The following DAAM1 variants were observed in gnomAD, a reference collection of about 807,000 sequenced individuals.
DAAM1 encodes disheveled-associated activator of morphogenesis 1.
DAAM1 carries 52 observed loss-of-function variants against 130.0 expected under a neutral mutation model. The observed-to-expected ratio is 0.40, with a 90% CI of 0.32 to 0.50. The LOEUF (loss-of-function observed/expected upper bound fraction) is 0.50. Ranked by LOEUF, DAAM1 falls within the 20% of genes least tolerant of loss-of-function variation. The pLI is 0.61. For synonymous variants in DAAM1, 452 were observed against 444.5 expected, an observed-to-expected ratio of 1.02 and a Z score of -0.21; for missense variants, 1,134 against 1,303.8, an observed-to-expected ratio of 0.87 and a Z score of 2.01.
rs2273755 is a variant in DAAM1, at chr14:59,338,635, C to T, written c.1969-1439C>T. ...CAGTTGACATTTGATCACCTAGTGC[C>T]TCACAGTATAAATTCCATATTGCCT... On this transcript the variant is annotated intron_variant, in intron 15 of 24. Transcript: ENST00000360909. Among the ~76,000 whole-genome samples the T allele has an allele frequency of 3.8e-4, 58 of 152,162 alleles. No individual in the cohort carries two copies. In the East Asian group the frequency reaches 0.011, roughly 29 times the overall value.
In DAAM1 at chr14:59,350,477, ACACG is replaced by A. The variant is rs1046387673; in HGVS notation, c.2161-2048_2161-2045del. ...ACGCCCCTTACACACACACACACAC[ACACG>A]TCTTATGCACATGCCCCTCTCAAGA... is the stretch of plus-strand genomic sequence containing the variant. On this transcript the variant is annotated intron_variant, in intron 17 of 24. Transcript: ENST00000360909. Among the ~76,000 whole-genome samples, 316 of 137,164 alleles carry A rather than the reference ACACG, an allele frequency of 2.3e-3. 2 individuals carry two copies. The highest frequency in any genetic ancestry group is 8.0e-3 in the African/African-American group (297 of 37,040). 90.0% of individuals were successfully genotyped at this position (137,164 alleles called of 152,430 possible).
intron 6 of DAAM1, 146 bp from the exon 7 acceptor site, chr14:59,323,982 A>C (rs1885114138): frequency 2.3e-6 from 1 of 425,938 alleles, no homozygotes; most frequent in Non-Finnish European, 3.9e-6. Context: ...CCGTGAGCTG[A>C]GATCATGCCA....
At chr14:59,284,133 G>A (rs1566683815) in intron 2 of DAAM1, among the ~76,000 whole-genome samples, 1 of 152,104 alleles carries the variant, frequency 6.6e-6, no homozygotes, top group Non-Finnish European at 1.5e-5. Context: ...CACTTCTTTA[G>A]GAGAAATCTG....
At chr14:59,291,578 C>A (rs930956088) in intron 3 of DAAM1, 9 of 378,774 alleles carry the variant, frequency 2.4e-5, no homozygotes, top group African/African-American at 1.7e-4. Flanking sequence ...AAGACAAATT[C>A]CCCCCAACCC....
At chr14:59,356,913 C>T (rs1008347118) in intron 20 of DAAM1, among the ~76,000 whole-genome samples, 5 of 152,210 alleles carry the variant, frequency 3.3e-5, no homozygotes, top group Admixed American at 6.5e-5. Context: ...AGCGCCCACA[C>T]CTTATACACC....
chr14:59,207,866 C>T (rs575494900), intron 1 of DAAM1, among the ~76,000 whole-genome samples: 1 of 152,256 alleles, frequency 6.6e-6, no homozygotes, highest in African/African-American at 2.4e-5. Flanking sequence ...TTTTTCCTGA[C>T]AGCAGTCCCT....
intron 2 of DAAM1, among the ~76,000 whole-genome samples, chr14:59,266,765 A>G (rs1882463268): frequency 6.6e-6 from 1 of 152,170 alleles, no homozygotes; most frequent in African/African-American, 2.4e-5. Context: ...AGCTGAAGCA[A>G]TTCTGCCTCT....
rs574472202 is a variant in DAAM1 at position 59,207,678 on chromosome 14, G to A, written c.-38+18910G>A. Among the ~76,000 whole-genome samples, 29 of 152,238 alleles carry A rather than the reference G, an allele frequency of 1.9e-4. No individual in the cohort carries two copies. In the South Asian group the frequency reaches 4.1e-3, roughly 22 times the overall value. ...ACAATGAAATTAGTTTTGAACTCAC[G>A]AACACACTGAAAAGTCCTCTGGCTC... On this transcript the variant is annotated intron_variant, in intron 1 of 24. Coordinates refer to ENST00000360909, the MANE Select transcript of DAAM1 (RefSeq NM_001270520.2).
At chr14:59,212,531 C>G (rs1335769563) in intron 1 of DAAM1, among the ~76,000 whole-genome samples, 2 of 152,202 alleles carry the variant, frequency 1.3e-5, no homozygotes, top group African/African-American at 2.4e-5. Context: ...TCTGGCGTAG[C>G]TTGGAGTACC....
rs200682748 is a variant in DAAM1 at position 59,347,764 on chromosome 14, TC to T, written c.2160+142del. 1,733 of 736,388 alleles carry T rather than the reference TC, an allele frequency of 2.4e-3. 17 individuals are homozygous for T. In the African/African-American group the frequency reaches 0.027, roughly 12 times the overall value. 45.6% of individuals were successfully genotyped at this position (736,388 alleles called of 1,614,324 possible). ...AGGCTGAACCAAGTTCCCATGTGACTCTGTTAGGAAACTTAATGACCTTATT... is the reference window on the plus strand; with the variant it reads ...AGGCTGAACCAAGTTCCCATGTGACTTGTTAGGAAACTTAATGACCTTATT... On this transcript the variant is annotated intron_variant, in intron 17 of 24. Coordinates refer to ENST00000360909, the MANE Select transcript of DAAM1 (RefSeq NM_001270520.2).
At chr14:59,226,771 C>T (rs570466743) in intron 1 of DAAM1, among the ~76,000 whole-genome samples, 2 of 152,268 alleles carry the variant, frequency 1.3e-5, no homozygotes, top group Admixed American at 1.3e-4. Flanking sequence ...AGGATCATCA[C>T]TAGATTGGGA....
chr14:59,306,891 A>G (rs544353248), intron 3 of DAAM1, among the ~76,000 whole-genome samples: 6 of 152,270 alleles, frequency 3.9e-5, no homozygotes, highest in African/African-American at 1.2e-4. Context: ...GGCAACAGAA[A>G]TACACAGAAT....
At chr14:59,338,164 C>T (rs909304983) in intron 15 of DAAM1, among the ~76,000 whole-genome samples, 4 of 152,114 alleles carry the variant, frequency 2.6e-5, no homozygotes, top group Non-Finnish European at 2.9e-5. Flanking sequence ...CAAATGTCAT[C>T]GTCTTTCTCT....
intron 2 of DAAM1, among the ~76,000 whole-genome samples, chr14:59,272,661 A>ATGTATGTATGTC (rs1882774435): frequency 6.6e-6 from 1 of 151,446 alleles, no homozygotes; most frequent in Admixed American, 6.6e-5. Flanking sequence ...GTATGTATGT[A>ATGTATGTATGTC]TGTATGTAGG....
At chr14:59,281,146 G>A (rs972277009) in intron 2 of DAAM1, among the ~76,000 whole-genome samples, 7 of 152,106 alleles carry the variant, frequency 4.6e-5, no homozygotes, top group Non-Finnish European at 7.4e-5. Context: ...AGGGAATAAC[G>A]TTAGATCTTC....
At chr14:59,293,430 G>A (rs1883830406) in intron 3 of DAAM1, among the ~76,000 whole-genome samples, 1 of 152,106 alleles carries the variant, frequency 6.6e-6, no homozygotes, top group Non-Finnish European at 1.5e-5. Flanking sequence ...GTGCATGATG[G>A]GGGGTTTGCT....
intron 1 of DAAM1, among the ~76,000 whole-genome samples, chr14:59,201,594 C>T (rs191917001): frequency 4.6e-5 from 7 of 152,060 alleles, no homozygotes; most frequent in Admixed American, 2.6e-4. Flanking sequence ...CCAGCCTGGG[C>T]GACAGAATGA....
At chr14:59,235,487 A>ATATC (rs1415483585) in intron 1 of DAAM1, among the ~76,000 whole-genome samples, 21 of 152,030 alleles carry the variant, frequency 1.4e-4, no homozygotes, top group African/African-American at 5.1e-4. Flanking sequence ...ATCAGTGGTG[A>ATATC]TATCCCCTTT....
intron 1 of DAAM1, among the ~76,000 whole-genome samples, chr14:59,213,725 G>A (rs141742215): frequency 6.6e-6 from 1 of 152,224 alleles, no homozygotes; most frequent in East Asian, 1.9e-4. Flanking sequence ...CACTATTTAC[G>A]GTGGGTGGAG....
Sources: gnomAD v4.1 joint callset for allele counts (sites outside exome capture counted in the v4.1 genomes callset) on GRCh38, gnomAD v4.1.1 for gene constraint, MANE v1.5 for transcripts, NCBI Gene and HGNC (gene_info 2026-07-23, HGNC 2026-07-21) for gene names.